Variants in AKAP9 observed in about 807,000 individuals in gnomAD.
AKAP9 encodes the protein A-kinase anchor protein 9.
A neutral mutation model predicts 488.5 loss-of-function variants in AKAP9; 311 were observed. The observed-to-expected ratio is 0.64, with a 90% CI of 0.58 to 0.70. The LOEUF (loss-of-function observed/expected upper bound fraction) is 0.70, where lower values mean the gene tolerates loss of function less well. Ranked by LOEUF, AKAP9 falls within the 30% of genes least tolerant of loss-of-function variation. AKAP9 has a pLI of 0.00. For missense variants in AKAP9, 4,215 were observed against 4,374.5 expected, an observed-to-expected ratio of 0.96 and a Z score of 1.03; for synonymous variants, 1,462 against 1,483.5, an observed-to-expected ratio of 0.99 and a Z score of 0.33.
intron 43 of AKAP9, 31 bp from the exon 44 acceptor site, chr7:92,099,656 T>G: frequency 6.2e-7 from 1 of 1,610,322 alleles, no homozygotes; most frequent in Admixed American, 1.7e-5. Context: ...CATTTGTGCT[T>G]AAGTGACCTT....
At chr7:91,970,562 C>G (rs1794945828) in intron 1 of AKAP9, 4 of 446,962 alleles carry the variant, frequency 8.9e-6, no homozygotes, top group African/African-American at 2.0e-5. Flanking sequence ...GACTTTGTTC[C>G]TCTTCTTTGT....
intron 1 of AKAP9, among the ~76,000 whole-genome samples, chr7:91,966,152 A>G (rs1411015129): frequency 1.3e-5 from 2 of 152,144 alleles, no homozygotes; most frequent in Non-Finnish European, 2.9e-5. Context: ...TCGGCCTCCC[A>G]TGGTGCTGTG....
chr7:92,090,802 T>C (rs372991542), intron 38 of AKAP9, among the ~76,000 whole-genome samples: 11 of 152,358 alleles, frequency 7.2e-5, no homozygotes, highest in African/African-American at 2.4e-4. Context: ...TCTGAGTATA[T>C]GACTAAGAGC....
intron 2 of AKAP9, among the ~76,000 whole-genome samples, chr7:91,978,924 G>C (rs1257917234): frequency 7.6e-6 from 1 of 131,088 alleles, no homozygotes; most frequent in African/African-American, 3.0e-5. Context: ...CGCCTGGCTA[G>C]TTTTTGTATT....
chr7:92,092,996 A>G (rs890618165), intron 38 of AKAP9, 101 bp from the exon 39 acceptor site: 24 of 1,023,428 alleles, frequency 2.3e-5, no homozygotes, highest in Non-Finnish European at 1.9e-5. Context: ...TTTCCTTTGA[A>G]GTAATCTCCT....
chr7:92,094,421 T>C (rs1816171377), intron 39 of AKAP9, among the ~76,000 whole-genome samples: 1 of 151,696 alleles, frequency 6.6e-6, no homozygotes, highest in African/African-American at 2.4e-5. Context: ...TAATCCCAGC[T>C]ACATGGGAGG....
At chr7:92,079,004 C>G (rs558836478) in intron 30 of AKAP9, 75 bp from the exon 31 acceptor site, 2 of 947,796 alleles carry the variant, frequency 2.1e-6, no homozygotes, top group Non-Finnish European at 3.1e-6. Context: ...TGAGGTACTG[C>G]CCTAAAATAA....
intron 48 of AKAP9, chr7:92,107,832 C>T (rs1348009012): frequency 1.2e-5 from 2 of 170,214 alleles, no homozygotes; most frequent in East Asian, 1.6e-4. Context: ...GCCTGGGCAA[C>T]GGAGCGAGAC....
intron 1 of AKAP9, among the ~76,000 whole-genome samples, chr7:91,957,262 A>C (rs1300897449): frequency 6.6e-6 from 1 of 152,194 alleles, no homozygotes; most frequent in Non-Finnish European, 1.5e-5. Context: ...TAGAATTAAC[A>C]CTTTAAATAA....
At chr7:92,046,947 C>G (rs1807107603) in intron 21 of AKAP9, among the ~76,000 whole-genome samples, 1 of 152,142 alleles carries the variant, frequency 6.6e-6, no homozygotes, top group African/African-American at 2.4e-5. Flanking sequence ...TAGCAGTTCT[C>G]TTAGATACTT....
Position 92,096,730 on chromosome 7 carries a change from T to A in AKAP9, c.9771T>A (p.Leu3257=). The A allele has an allele frequency of 6.2e-7, 1 of 1,614,146 alleles. No homozygotes were observed. Among genetic ancestry groups the A allele is most frequent in the Non-Finnish European group, 8.5e-7 (1 of 1,179,996 alleles). Residue 3257 remains leucine, a synonymous_variant, in exon 41 of 50, where the codon CTT becomes CTA. Coordinates refer to ENST00000356239, the MANE Select transcript of AKAP9 (RefSeq NM_005751.5). ...FSLESQKQRN[L]QLNLLLEQQK... is the part of the protein sequence containing the mutation. ...TTGAGAGTCAGAAACAAAGGAATCT[T>A]CAGCTAAATCTACTTTTGGAACAAC...
chr7:92,078,752 G>A (rs1299705745), intron 30 of AKAP9, among the ~76,000 whole-genome samples: 1 of 151,974 alleles, frequency 6.6e-6, no homozygotes, highest in African/African-American at 2.4e-5. Context: ...AGTTAAGTAA[G>A]GTAATTACCT....
At position 92,079,366 on chromosome 7, in the gene AKAP9, C is replaced by T; in HGVS notation, c.7233C>T (p.Phe2411=). Residue 2411 remains phenylalanine, a synonymous_variant, in exon 31 of 50, where the codon TTC becomes TTT. Transcript: ENST00000356239. ...AAACCGCTAATGAAGAAATGACCTT[C>T]ATGAAAAATGTACTTAAAGAAACCA... ...QVETANEEMT[F]MKNVLKETNF... is the part of the protein sequence containing the mutation. The T allele has an allele frequency of 6.2e-7, 1 of 1,613,964 alleles. No homozygotes were observed. The highest frequency in any genetic ancestry group is 1.1e-5 in the South Asian group (1 of 91,072).
rs1237675192 is a variant in AKAP9 at position 92,083,446 on chromosome 7, T to C, written c.8437T>C (p.Ser2813Pro). ...ACAAATTAATTTACAGAGTGAATGT[T>C]CCTCAGAAGAAGTTACTGAAATAAT... The part of the protein sequence containing the change: ...GIQINLQSEC[S>P]SEEVTEIISQ... The change falls in exon 33 of 50, where the codon TCC becomes CCC. Residue 2813 changes from serine to proline, a missense_variant. Ser to Pro is a moderately conservative substitution (Grantham distance 74). Transcript: ENST00000356239. 2 of 1,614,002 alleles carry C rather than the reference T, an allele frequency of 1.2e-6. No homozygotes were observed. The highest frequency in any genetic ancestry group is 1.7e-6 in the Non-Finnish European group (2 of 1,179,948).
intron 14 of AKAP9, among the ~76,000 whole-genome samples, 158 bp from the exon 15 acceptor site, chr7:92,029,737 A>G (rs962211667): frequency 6.6e-6 from 1 of 152,236 alleles, no homozygotes; most frequent in African/African-American, 2.4e-5. Flanking sequence ...AAGTGGAAAT[A>G]TTAGTCAAAA....
chr7:92,079,526 C>A lies in AKAP9; in HGVS notation c.7393C>A (p.Leu2465Ile). The change falls in exon 31 of 50, where the codon CTA (leucine) becomes ATA (isoleucine). Residue 2465 changes from leucine (L) to isoleucine (I), a missense_variant. By Grantham distance (5) the Leu-to-Ile change is conservative. This residue lies in a region of AKAP9 where 1,476 missense variants were observed against 1,477.4 expected (regional missense o/e 1.00). Transcript: ENST00000356239. ...IDHLSKDKPE[L>I]EVVLTEDALK... is the part of the protein sequence containing the mutation. ...TCATCTGAGCAAAGACAAACCTGAA[C>A]TAGAAGTAGTCCTTACAGAGGATGC... The A allele has an allele frequency of 6.2e-7, 1 of 1,613,854 alleles. No homozygotes were observed. Among genetic ancestry groups the A allele is most frequent in the Non-Finnish European group, 8.5e-7 (1 of 1,179,978 alleles).
chr7:91,944,421 C>T (rs1459150216), intron 1 of AKAP9, among the ~76,000 whole-genome samples: 1 of 150,938 alleles, frequency 6.6e-6, no homozygotes, highest in Middle Eastern at 3.2e-3. Flanking sequence ...TTGAGACAGC[C>T]TGTCTCCCAG....
intron 32 of AKAP9, among the ~76,000 whole-genome samples, chr7:92,082,960 A>G (rs1813843301): frequency 6.6e-6 from 1 of 152,158 alleles, no homozygotes; most frequent in East Asian, 1.9e-4. Flanking sequence ...AAGCTAATAA[A>G]ATTATTTCAT....
rs189066018 is a variant in AKAP9, at chr7:92,105,872, G to A, written c.11416+109G>A. On this transcript the variant is annotated intron_variant, in intron 47 of 49. Coordinates refer to ENST00000356239, the MANE Select transcript of AKAP9 (RefSeq NM_005751.5). ...TCTGTGGCCTGTTAGGAACCAGGCC[G>A]CACAGCAGCAGGTGAGCAGCGGGCA... The A allele has an allele frequency of 2.9e-3, 2,774 of 965,018 alleles. 9 individuals are homozygous for A. The highest frequency in any genetic ancestry group is 3.9e-3 in the Non-Finnish European group (2,335 of 605,450). The allele number at this position is 965,018 out of a possible 1,614,324, so 59.8% of individuals were successfully genotyped here.
Sources: gnomAD v4.1 joint callset for allele counts (sites outside exome capture counted in the v4.1 genomes callset) on GRCh38, gnomAD v4.1.1 for gene constraint, gnomAD v4.1.1 regional missense constraint, MANE v1.5 for transcripts, NCBI Gene and HGNC (gene_info 2026-07-23, HGNC 2026-07-21) for gene names.